The following PLEKHG7 variants were observed in gnomAD, a reference collection of about 807,000 sequenced individuals.
PLEKHG7 encodes pleckstrin homology domain-containing family G member 7.
PLEKHG7 carries 77 observed loss-of-function variants against 85.2 expected under a neutral mutation model. The ratio of observed to expected loss-of-function variants is 0.90; its 90% CI spans 0.75 to 1.09. The LOEUF (loss-of-function observed/expected upper bound fraction) is 1.09, where lower values mean the gene tolerates loss of function less well. Ranked by LOEUF, PLEKHG7 falls within the 50% of genes least tolerant of loss-of-function variation. The probability of loss-of-function intolerance (pLI) is 0.00; values close to 1 mark genes in which losing one functional copy is unlikely to be tolerated. For synonymous variants in PLEKHG7, 301 were observed against 302.4 expected, an observed-to-expected ratio of 1.00 and a Z score of 0.05; for missense variants, 777 against 804.3, an observed-to-expected ratio of 0.97 and a Z score of 0.41.
intron 10 of PLEKHG7, among the ~76,000 whole-genome samples, chr12:92,752,957 T>A (rs529910946): frequency 2.6e-5 from 4 of 152,152 alleles, no homozygotes; most frequent in Non-Finnish European, 4.4e-5. Flanking sequence ...ACCCCTTTTA[T>A]AGGGACACTA....
intron 10 of PLEKHG7, among the ~76,000 whole-genome samples, chr12:92,748,716 G>A (rs774028078): frequency 6.6e-6 from 1 of 152,182 alleles, no homozygotes; most frequent in Non-Finnish European, 1.5e-5. Context: ...GGCAAAGAAA[G>A]AACCATAGCA....
chr12:92,717,204 G>C (rs1226818296), intron 3 of PLEKHG7, among the ~76,000 whole-genome samples: 1 of 152,210 alleles, frequency 6.6e-6, no homozygotes, highest in Non-Finnish European at 1.5e-5. Flanking sequence ...CAAATAGAAA[G>C]TAGGAGAAAA....
chr12:92,740,933 G>T lies in PLEKHG7; in HGVS notation c.1020G>T (p.Leu340=). The change falls in exon 8 of 17, where the codon CTG becomes CTT. Residue 340 remains leucine (L), a synonymous_variant. Transcript: ENST00000344636. ...ATTTATGGAGACTTTTTGCAAACCT[G>T]GAGGAGTTAACTCAGGTGAGCCAAG... ...DVDLWRLFAN[L]EELTQTSLGF... is the part of the protein sequence containing the mutation. The T allele has an allele frequency of 6.2e-7, 1 of 1,610,076 alleles. No homozygotes were observed. The highest frequency in any genetic ancestry group is 1.3e-5 in the African/African-American group (1 of 74,918).
chr12:92,708,006 A>G, intron 3 of PLEKHG7: 1 of 340,176 alleles, frequency 2.9e-6, no homozygotes, highest in Non-Finnish European at 5.4e-6. Flanking sequence ...GAGATATGCA[A>G]CAGCTTTTCA....
chr12:92,757,520 C>T (rs555836335), intron 13 of PLEKHG7, among the ~76,000 whole-genome samples: 1 of 152,278 alleles, frequency 6.6e-6, no homozygotes, highest in South Asian at 2.1e-4. Flanking sequence ...CAGGTTAGGA[C>T]ATAATCCCCA....
At chr12:92,720,179 C>T (rs1352426685) in intron 3 of PLEKHG7, among the ~76,000 whole-genome samples, 3 of 152,214 alleles carry the variant, frequency 2.0e-5, no homozygotes, top group Admixed American at 1.3e-4. Context: ...GGCAGAGCCA[C>T]ACTTCCCCTG....
In PLEKHG7 at chr12:92,755,847, G is replaced by A. The variant is rs1872810754; in HGVS notation, c.1449G>A (p.Lys483=). ...CAGGGGACCTTGAAGGAAAAGTGAA[G>A]TGGCTGGACAATTTCCAAAAATTTA... ...KSIRDLEGKV[K]WLDNFQKFRY... Residue 483 remains lysine, a synonymous_variant, in exon 12 of 17, where the codon AAG becomes AAA. Coordinates refer to ENST00000344636, the MANE Select transcript of PLEKHG7 (RefSeq NM_001377329.1). The A allele has an allele frequency of 6.2e-7, 1 of 1,612,964 alleles. No individual in the cohort carries two copies.
chr12:92,743,567 G>A (rs1045422438), intron 9 of PLEKHG7, among the ~76,000 whole-genome samples: 10 of 151,950 alleles, frequency 6.6e-5, no homozygotes, highest in African/African-American at 2.4e-4. Flanking sequence ...TGGGGGAGGG[G>A]GTGGTGGGGG....
intron 4 of PLEKHG7, among the ~76,000 whole-genome samples, chr12:92,729,632 T>G (rs1044633059): frequency 6.6e-6 from 1 of 152,004 alleles, no homozygotes; most frequent in African/African-American, 2.4e-5. Flanking sequence ...ATTTGTGAAA[T>G]AAAAGAACAA....
intron 10 of PLEKHG7, among the ~76,000 whole-genome samples, chr12:92,751,208 C>G (rs947393620): frequency 6.6e-6 from 1 of 152,166 alleles, no homozygotes; most frequent in African/African-American, 2.4e-5. Context: ...TACCTCTGCC[C>G]TAGAACAACC....
intron 3 of PLEKHG7, among the ~76,000 whole-genome samples, chr12:92,712,636 G>A (rs560305277): frequency 2.0e-5 from 3 of 149,968 alleles, no homozygotes; most frequent in South Asian, 2.1e-4. Flanking sequence ...CCAGGGATGC[G>A]ATTTTTTTTT....
At chr12:92,764,571 C>T (rs1873133726) in intron 15 of PLEKHG7, among the ~76,000 whole-genome samples, 1 of 151,992 alleles carries the variant, frequency 6.6e-6, no homozygotes, top group Non-Finnish European at 1.5e-5. Flanking sequence ...GTTATTAAAA[C>T]ACTGAGAAAC....
intron 3 of PLEKHG7, among the ~76,000 whole-genome samples, chr12:92,709,287 G>A (rs1871323465): frequency 6.6e-6 from 1 of 152,196 alleles, no homozygotes; most frequent in Admixed American, 6.5e-5. Flanking sequence ...CTTTGTGAAT[G>A]GTAGCCTATC....
intron 3 of PLEKHG7, among the ~76,000 whole-genome samples, chr12:92,711,116 AT>A (rs1871359813): frequency 2.6e-5 from 4 of 152,144 alleles, no homozygotes. Context: ...TTCTCCCTCC[AT>A]GCAAAGTACA....
At chr12:92,738,714 A>T (rs913389315) in intron 7 of PLEKHG7, among the ~76,000 whole-genome samples, 1 of 152,212 alleles carries the variant, frequency 6.6e-6, no homozygotes, top group African/African-American at 2.4e-5. Context: ...TGTAAAAGAG[A>T]AATGACAATA....
At chr12:92,730,761 G>A (rs1458707528) in intron 4 of PLEKHG7, among the ~76,000 whole-genome samples, 1 of 152,134 alleles carries the variant, frequency 6.6e-6, no homozygotes, top group Non-Finnish European at 1.5e-5. Flanking sequence ...TTTTGATGCC[G>A]GCTACAGTTT....
chr12:92,707,160 G>A (rs774413113), intron 2 of PLEKHG7, 22 bp downstream of exon 2: 28 of 1,592,800 alleles, frequency 1.8e-5, no homozygotes, highest in Middle Eastern at 1.7e-4. Flanking sequence ...CTAAGCCTCC[G>A]GCCTCTCAGT....
At chr12:92,704,324 G>T (rs1057445634) in intron 1 of PLEKHG7, among the ~76,000 whole-genome samples, 1 of 151,956 alleles carries the variant, frequency 6.6e-6, no homozygotes, top group African/African-American at 2.4e-5. Flanking sequence ...GCATTTGTTT[G>T]TTGGGAGAAT....
chr12:92,731,802 A>G (rs1872001023), intron 4 of PLEKHG7, among the ~76,000 whole-genome samples: 2 of 152,184 alleles, frequency 1.3e-5, no homozygotes, highest in Admixed American at 6.5e-5. Context: ...CCATTTGCTC[A>G]AGCTATTGAA....
Sources: gnomAD v4.1 joint callset for allele counts (sites outside exome capture counted in the v4.1 genomes callset) on GRCh38, gnomAD v4.1.1 for gene constraint, MANE v1.5 for transcripts, NCBI Gene and HGNC (gene_info 2026-07-23, HGNC 2026-07-21) for gene names.